Variants in DBH observed in about 807,000 individuals in gnomAD.
DBH encodes the protein dopamine beta-hydroxylase.
DBH carries 49 observed loss-of-function variants against 64.0 expected under a neutral mutation model. That is an observed-to-expected ratio of 0.77 (90% CI 0.61 to 0.97). DBH has a LOEUF of 0.97. Ranked by LOEUF, DBH falls within the 50% of genes least tolerant of loss-of-function variation. The pLI, the probability that DBH is intolerant of heterozygous loss-of-function variation, is 0.00. For missense variants in DBH, 828 were observed against 826.6 expected, an observed-to-expected ratio of 1.00 and a Z score of -0.02; for synonymous variants, 343 against 347.1, an observed-to-expected ratio of 0.99 and a Z score of 0.13.
At position 133,643,327 on chromosome 9, in the gene DBH, G is replaced by T; in HGVS notation, c.745-86G>T. 1 of 1,403,282 alleles carries T rather than the reference G, an allele frequency of 7.1e-7. No individual in the cohort carries two copies. The allele number at this position is 1,403,282 out of a possible 1,614,324, so 86.9% of individuals were successfully genotyped here. A position where few individuals can be genotyped will look rare whatever the true frequency, so the allele number is the denominator to read the frequency against. ...GATCATCCCTCCCATTTTACAGATG[G>T]GCATTCGGAAGCCCATGGAGGAGGG... is the stretch of plus-strand genomic sequence containing the variant. On this transcript the variant is annotated intron_variant, in intron 3 of 11. Transcript: ENST00000393056. This position sits in a 1 kb window ranked among gnomAD's most constrained non-coding sequence, Gnocchi z 5.3.
intron 5 of DBH, 74 bp downstream of exon 5, chr9:133,644,394 C>T: frequency 8.4e-7 from 1 of 1,197,420 alleles, no homozygotes; most frequent in Non-Finnish European, 1.2e-6. Context: ...CAAATCCCGC[C>T]CTTCGTCTGC....
intron 3 of DBH, among the ~76,000 whole-genome samples, chr9:133,642,749 GCTGT>G (rs1197513393): frequency 6.6e-6 from 1 of 152,204 alleles, no homozygotes; most frequent in Non-Finnish European, 1.5e-5. Flanking sequence ...GACTGGAACT[GCTGT>G]CTGTCTGCCA....
intron 5 of DBH, among the ~76,000 whole-genome samples, chr9:133,647,129 G>A (rs547031839): frequency 1.3e-5 from 2 of 152,314 alleles, no homozygotes; most frequent in East Asian, 1.9e-4. Flanking sequence ...CTCCTCCTGG[G>A]GGGCCACATT....
chr9:133,653,002 A>C lies in DBH; in HGVS notation c.1434+3A>C. On this transcript the variant is annotated splice_donor_region_variant and intron_variant, in intron 9 of 11. Coordinates refer to ENST00000393056, the MANE Select transcript of DBH (RefSeq NM_000787.4). ...AAGACCGGGAGCTGGCCACAGTGGT[A>C]AGTCACCCCCGCTTCCCCCTGCACC... 3 of 1,611,226 alleles carry C rather than the reference A, an allele frequency of 1.9e-6. No homozygotes were observed. Among genetic ancestry groups the C allele is most frequent in the Non-Finnish European group, 2.5e-6 (3 of 1,177,662 alleles).
At chr9:133,647,800 G>A in intron 5 of DBH, 46 bp from the exon 6 acceptor site, 1 of 1,611,582 alleles carries the variant, frequency 6.2e-7, no homozygotes, top group Non-Finnish European at 8.5e-7. Flanking sequence ...GGAAGTGAGA[G>A]GGCCTCCACT....
chr9:133,650,501 TTTC>T, intron 6 of DBH, among the ~76,000 whole-genome samples: 1 of 147,814 alleles, frequency 6.8e-6, no homozygotes, highest in African/African-American at 2.5e-5. Context: ...TTTTCTTTCC[TTTC>T]TTTCTTTCCT....
chr9:133,649,821 G>A (rs191291128), intron 6 of DBH, among the ~76,000 whole-genome samples: 324 of 152,252 alleles, frequency 2.1e-3, no homozygotes, highest in Non-Finnish European at 3.5e-3. Flanking sequence ...CTTCGACCCC[G>A]CTGACCGCTG....
Position 133,652,923 on chromosome 9 carries a change from C to T in DBH, c.1375-17C>T, listed in dbSNP as rs377401214. ...GCCAGGTGGCAGGTGCTGATGGTCACATTGGCTTTTCCTCAGGGAGATGTG... is the reference window on the plus strand; with the variant it reads ...GCCAGGTGGCAGGTGCTGATGGTCATATTGGCTTTTCCTCAGGGAGATGTG... On this transcript the variant is annotated splice_polypyrimidine_tract_variant and intron_variant, in intron 8 of 11. Coordinates refer to ENST00000393056, the MANE Select transcript of DBH (RefSeq NM_000787.4). The T allele has an allele frequency of 6.8e-6, 11 of 1,611,028 alleles. No homozygotes were observed. The highest frequency in any genetic ancestry group is 9.3e-6 in the Non-Finnish European group (11 of 1,177,808).
chr9:133,657,667 G>A (rs1316127631), intron 11 of DBH, among the ~76,000 whole-genome samples: 2 of 151,240 alleles, frequency 1.3e-5, no homozygotes, highest in Non-Finnish European at 3.0e-5. Context: ...GGAGGGGAAG[G>A]TAAGAAACGA....
At chr9:133,648,380 C>G (rs910502168) in intron 6 of DBH, among the ~76,000 whole-genome samples, 1 of 152,230 alleles carries the variant, frequency 6.6e-6, no homozygotes, top group East Asian at 1.9e-4. Flanking sequence ...GCTGCCGCCT[C>G]CCCCTGAGAT....
chr9:133,648,121 C>T (rs749254910), intron 6 of DBH, 109 bp downstream of exon 6: 183 of 1,307,866 alleles, frequency 1.4e-4, no homozygotes, highest in Non-Finnish European at 1.7e-4. Context: ...TTGGTTTCCC[C>T]TGACCCTGAA....
rs1832261053 is a variant in DBH, at chr9:133,652,303, G to A, written c.1374+19G>A. On this transcript the variant is annotated intron_variant, in intron 8 of 11. Coordinates refer to ENST00000393056, the MANE Select transcript of DBH (RefSeq NM_000787.4). ...CCATCCGGTGAGTGCCCAGCGGGAA[G>A]GCTGTCCCACTCACTGCCACCAGCT... The A allele has an allele frequency of 1.9e-6, 3 of 1,612,408 alleles. No individual in the cohort carries two copies. The highest frequency in any genetic ancestry group is 2.5e-6 in the Non-Finnish European group (3 of 1,180,006).
chr9:133,658,514 A>G lies in DBH; in HGVS notation c.*67A>G. The stretch of plus-strand genomic sequence containing the variant: ...GGCTCACACCGGCACTGTGCACTCT[A>G]CTCTGCGACGATCCCCATGGAACAG... On this transcript the variant is annotated 3_prime_UTR_variant, in exon 12 of 12. Transcript: ENST00000393056. 1 of 1,474,314 alleles carries G rather than the reference A, an allele frequency of 6.8e-7. No individual in the cohort carries two copies. The highest frequency in any genetic ancestry group is 9.1e-7 in the Non-Finnish European group (1 of 1,104,106). 91.3% of individuals were successfully genotyped at this position (1,474,314 alleles called of 1,614,324 possible). A position where few individuals can be genotyped will look rare whatever the true frequency, so the allele number is the denominator to read the frequency against.
rs757538530 is a variant in DBH, at chr9:133,642,225, G to T, written c.505G>T (p.Val169Phe). Residue 169 changes from valine (V) to phenylalanine (F), a missense_variant, in exon 3 of 12, where the codon GTC becomes TTC. Val to Phe is a conservative substitution (Grantham distance 50). Transcript: ENST00000393056. ...YLIEDGTVHL[V>F]YGILEEPFRS... is the part of the protein sequence containing the mutation. Reference sequence around the variant, plus strand: ...GCTGCAGGACGGCACTGTCCACTTGGTCTACGGGATCCTGGAGGAGCCGTT... The same window carrying T: ...GCTGCAGGACGGCACTGTCCACTTGTTCTACGGGATCCTGGAGGAGCCGTT... 1.2e-6 allele frequency: 2 copies of T among 1,613,592 alleles called. No homozygotes were observed. Among genetic ancestry groups the T allele is most frequent in the African/African-American group, 2.7e-5 (2 of 75,032 alleles).
chr9:133,642,900 G>GGT (rs1832133945), intron 3 of DBH, among the ~76,000 whole-genome samples: 1 of 152,170 alleles, frequency 6.6e-6, no homozygotes, highest in Non-Finnish European at 1.5e-5. Context: ...GGAGGGGCGA[G>GGT]GTGATCCCTC....
In DBH at chr9:133,636,451, C is replaced by T; in HGVS notation, c.80C>T (p.Ala27Val). Residue 27 changes from alanine (A) to valine (V), a missense_variant, in exon 1 of 12, where the codon GCC becomes GTC. Coordinates refer to ENST00000393056, the MANE Select transcript of DBH (RefSeq NM_000787.4). ...GCCTTCATGTACAGCACAGCAGTGG[C>T]CATCTTCCTGGTCATCCTGGTGGCC... ...EAAFMYSTAV[A>V]IFLVILVAAL... The T allele has an allele frequency of 6.2e-7, 1 of 1,612,830 alleles. No homozygotes were observed.
chr9:133,656,509 C>T lies in DBH; in HGVS notation c.1435-14C>T, dbSNP rs80228552. 77 of 1,613,544 alleles carry T rather than the reference C, an allele frequency of 4.8e-5. No homozygotes were observed. The Middle Eastern group carries it at 1.3e-3, about 28-fold the overall frequency. ...GGCATGGCCCGGGGCTGACGGGTCT[C>T]CTCCAACTTGCAGGGGGGCTTCGGG... On this transcript the variant is annotated splice_polypyrimidine_tract_variant and intron_variant, in intron 9 of 11. Transcript: ENST00000393056.
chr9:133,642,298 A>C lies in DBH; in HGVS notation c.578A>C (p.Gln193Pro). 6.2e-7 allele frequency: 1 copy of C among 1,614,130 alleles called. No individual in the cohort carries two copies. The highest frequency in any genetic ancestry group is 8.5e-7 in the Non-Finnish European group (1 of 1,180,012). The change falls in exon 3 of 12, where the codon CAG becomes CCG. Residue 193 changes from glutamine (Q) to proline (P), a missense_variant. Transcript: ENST00000393056. ...GGCTCGGGCCTGCAGATGGGGCTGC[A>C]GAGGGTGCAGCTCCTGAAGCCCAAT... Reference protein sequence around the residue: ...INGSGLQMGLQRVQLLKPNIP... With the variant: ...INGSGLQMGLPRVQLLKPNIP...
intron 11 of DBH, among the ~76,000 whole-genome samples, chr9:133,657,497 G>GGA (rs149061808): frequency 0.031 from 4,502 of 142,982 alleles, 240 homozygotes; most frequent in African/African-American, 0.1. Context: ...GAGAGAGAGA[G>GGA]GAGAGAGAGA....
Sources: gnomAD v4.1 joint callset for allele counts (sites outside exome capture counted in the v4.1 genomes callset) on GRCh38, gnomAD v4.1.1 for gene constraint, Gnocchi (gnomAD v3.1) non-coding constraint, MANE v1.5 for transcripts, NCBI Gene and HGNC (gene_info 2026-07-23, HGNC 2026-07-21) for gene names.